Variants in KLHL1 observed in about 807,000 individuals in gnomAD.
KLHL1 encodes kelch like family member 1, also known as kelch-like protein 1.
A neutral mutation model predicts 77.7 loss-of-function variants in KLHL1; 47 were observed. The observed-to-expected ratio is 0.60, with a 90% CI of 0.48 to 0.77. The LOEUF (loss-of-function observed/expected upper bound fraction) is 0.77, where lower values mean the gene tolerates loss of function less well. Among genes scored for constraint, KLHL1 ranks in the 30% least tolerant of loss-of-function variants. KLHL1 has a pLI of 0.00. For synonymous variants in KLHL1, 360 were observed against 325.2 expected (o/e 1.11, Z -1.15); for missense variants, 925 against 910.8 (o/e 1.02, Z -0.20).
At chr13:69,747,360 A>C (rs1874259677) in intron 7 of KLHL1, among the ~76,000 whole-genome samples, 1 of 152,042 alleles carries the variant, frequency 6.6e-6, no homozygotes, top group South Asian at 2.1e-4. Context: ...AGTTTCCTCC[A>C]GTGCTACCAT....
chr13:69,999,694 C>T (rs558829668), intron 1 of KLHL1, among the ~76,000 whole-genome samples: 1 of 152,064 alleles, frequency 6.6e-6, no homozygotes, highest in African/African-American at 2.4e-5. Flanking sequence ...GTAATGAAGA[C>T]CAGTGTGGAA....
intron 3 of KLHL1, among the ~76,000 whole-genome samples, chr13:69,955,353 TTTAA>T (rs1333104015): frequency 3.3e-5 from 5 of 151,448 alleles, no homozygotes; most frequent in East Asian, 1.9e-4. Context: ...GTACAAAGAC[TTTAA>T]TTAACTTCAG....
rs926518412 is a variant in KLHL1 at position 69,997,136 on chromosome 13, A to G, written c.498-21334T>C. On this transcript the variant is annotated intron_variant, in intron 1 of 10. Coordinates refer to ENST00000377844, the MANE Select transcript of KLHL1 (RefSeq NM_020866.3). ...CTCTGGAGATTGAGGCATGAGAATC[A>G]CTTGAAACTGGTAGACAGAGGTTGC... is the stretch of plus-strand genomic sequence containing the variant. Among the ~76,000 whole-genome samples the G allele has an allele frequency of 2.0e-5, 3 of 151,464 alleles. No homozygotes were observed. The East Asian group carries it at 5.8e-4, about 29-fold the overall frequency.
chr13:70,070,758 T>G (rs299531), intron 1 of KLHL1, among the ~76,000 whole-genome samples: 79,969 of 151,828 alleles, frequency 0.53, 21,368 homozygotes, highest in East Asian at 0.72. Context: ...ATGGATAAGC[T>G]AACTAACTGA....
intron 7 of KLHL1, among the ~76,000 whole-genome samples, chr13:69,762,702 CA>C (rs1319275142): frequency 6.7e-6 from 1 of 149,050 alleles, no homozygotes; most frequent in Admixed American, 6.8e-5. Context: ...CCTAGATTGA[CA>C]GCTTTCCCAA....
chr13:69,955,958 G>GATAT (rs1883857456), intron 3 of KLHL1, among the ~76,000 whole-genome samples: 1 of 100,460 alleles, frequency 1.0e-5, no homozygotes, highest in African/African-American at 4.2e-5. Flanking sequence ...ATATATATTT[G>GATAT]ATATTTATAT....
chr13:69,705,910 T>C (rs1875605186), intron 10 of KLHL1, among the ~76,000 whole-genome samples: 1 of 151,756 alleles, frequency 6.6e-6, no homozygotes, highest in African/African-American at 2.4e-5. Flanking sequence ...ATTATAAATA[T>C]GTATTCAGAT....
chr13:69,923,798 T>C (rs1472151183), intron 4 of KLHL1, among the ~76,000 whole-genome samples: 1 of 152,136 alleles, frequency 6.6e-6, no homozygotes, highest in African/African-American at 2.4e-5. Flanking sequence ...GCAGAAGCCC[T>C]GCTGCCTTCT....
chr13:69,849,127 T>C (rs1879586180), intron 5 of KLHL1, among the ~76,000 whole-genome samples: 1 of 151,452 alleles, frequency 6.6e-6, no homozygotes, highest in African/African-American at 2.4e-5. Flanking sequence ...AAATATTTAG[T>C]CAGTGCTTAT....
intron 4 of KLHL1, among the ~76,000 whole-genome samples, chr13:69,919,581 T>C (rs144698960): frequency 6.6e-6 from 1 of 152,046 alleles, no homozygotes; most frequent in African/African-American, 2.4e-5. Flanking sequence ...GTAAATGGAG[T>C]CCCTGATGCA....
intron 8 of KLHL1, among the ~76,000 whole-genome samples, chr13:69,732,192 A>G (rs1052320402): frequency 2.6e-5 from 4 of 152,188 alleles, no homozygotes; most frequent in Admixed American, 2.6e-4. Context: ...TAACTGGCGA[A>G]GGAGACTTAT....
chr13:69,961,159 C>G (rs1310363456), intron 3 of KLHL1, 149 bp downstream of exon 3: 1 of 636,606 alleles, frequency 1.6e-6, no homozygotes, highest in African/African-American at 1.8e-5. Context: ...TCAGTGACAA[C>G]AAAAAGTCTG....
chr13:69,980,913 A>G (rs998209595), intron 1 of KLHL1, among the ~76,000 whole-genome samples: 2 of 152,166 alleles, frequency 1.3e-5, no homozygotes, highest in Non-Finnish European at 2.9e-5. Context: ...TGGTTTGGTC[A>G]GATACTAATT....
chr13:70,003,007 TA>T (rs1341156443), intron 1 of KLHL1, among the ~76,000 whole-genome samples: 2 of 151,524 alleles, frequency 1.3e-5, no homozygotes, highest in East Asian at 3.9e-4. Context: ...GATATGCAAA[TA>T]AATAATACCT....
chr13:69,986,110 T>C (rs1284434177), intron 1 of KLHL1, among the ~76,000 whole-genome samples: 7 of 151,646 alleles, frequency 4.6e-5, no homozygotes, highest in East Asian at 1.9e-4. Context: ...TTCTCACTTA[T>C]GTGTAGAATC....
chr13:69,713,191 C>G lies in KLHL1; in HGVS notation c.2016-5395G>C, dbSNP rs527975702. The stretch of plus-strand genomic sequence containing the variant: ...TCTTATTAATTCAATCTAACAGTTT[C>G]TAGTTTGATTCATATGAAATTATTC... On this transcript the variant is annotated intron_variant, in intron 9 of 10. Transcript: ENST00000377844. 8.5e-5 allele frequency among the ~76,000 whole-genome samples: 13 copies of G among 152,130 alleles called. No individual in the cohort carries two copies. In the South Asian group the frequency reaches 2.7e-3, roughly 31 times the overall value.
chr13:69,907,486 GT>G (rs1325916759), intron 4 of KLHL1, among the ~76,000 whole-genome samples: 1 of 151,812 alleles, frequency 6.6e-6, no homozygotes, highest in Non-Finnish European at 1.5e-5. Context: ...TAACATTTGT[GT>G]TTATATGTAA....
chr13:70,082,260 A>G (rs908295409), intron 1 of KLHL1, among the ~76,000 whole-genome samples: 8 of 150,160 alleles, frequency 5.3e-5, no homozygotes, highest in African/African-American at 2.0e-4. Flanking sequence ...CAAGAATGGA[A>G]TAATATAGTC....
intron 1 of KLHL1, among the ~76,000 whole-genome samples, chr13:70,011,084 T>C (rs1032518283): frequency 1.3e-5 from 2 of 152,030 alleles, no homozygotes; most frequent in African/African-American, 4.8e-5. Context: ...TTAATTGTCA[T>C]TGGGTCAGAT....
Sources: allele counts gnomAD v4.1 joint callset (sites outside exome capture counted in the v4.1 genomes callset), GRCh38; gene constraint gnomAD v4.1.1; transcripts MANE v1.5; gene names NCBI Gene and HGNC (gene_info 2026-07-23, HGNC 2026-07-21).